The following PLA2G4D variants were observed in gnomAD, a reference collection of about 807,000 sequenced individuals.
The protein encoded by PLA2G4D is cytosolic phospholipase A2 delta.
PLA2G4D carries 80 observed loss-of-function variants against 94.4 expected under a neutral mutation model. The ratio of observed to expected loss-of-function variants is 0.85; its 90% CI spans 0.71 to 1.02. The LOEUF (loss-of-function observed/expected upper bound fraction) is 1.02, where lower values mean the gene tolerates loss of function less well. Ranked by LOEUF, PLA2G4D falls within the 50% of genes least tolerant of loss-of-function variation. The pLI is 0.00. For synonymous variants in PLA2G4D, 438 were observed against 440.9 expected, an observed-to-expected ratio of 0.99 and a Z score of 0.08; for missense variants, 1,050 against 1,034.7, an observed-to-expected ratio of 1.01 and a Z score of -0.20.
chr15:42,081,059 G>A lies in PLA2G4D; in HGVS notation c.1032C>T (p.Ala344=). The A allele has an allele frequency of 6.2e-7, 1 of 1,614,172 alleles. No homozygotes were observed. Among genetic ancestry groups the A allele is most frequent in the Middle Eastern group, 1.6e-4 (1 of 6,062 alleles). Residue 344 remains alanine, a synonymous_variant, in exon 12 of 20, where the codon GCC becomes GCT. Transcript: ENST00000290472. ...AMTSLYGHLL[A]LQKLGLLDCV... ...AGTCTAGGAGGCCCAGCTTCTGCAA[G>A]GCCAATAGGTGGCCGTAGAGTGAGG... is the stretch of plus-strand genomic sequence containing the variant.
In PLA2G4D at chr15:42,081,783, T is replaced by C. The variant is rs1222983568; in HGVS notation, c.821+14A>G. The stretch of plus-strand genomic sequence containing the variant: ...CCGCCTCTCACTGTCCCCACAGATG[T>C]GAATGTCCCTTACCAGCCCTCTGCC... On this transcript the variant is annotated intron_variant, in intron 10 of 19. Transcript: ENST00000290472. The C allele has an allele frequency of 2.5e-6, 4 of 1,614,150 alleles. No homozygotes were observed. The highest frequency in any genetic ancestry group is 2.2e-5 in the South Asian group (2 of 91,080).
chr15:42,089,209 G>A (rs189916795), intron 1 of PLA2G4D, among the ~76,000 whole-genome samples: 4 of 152,168 alleles, frequency 2.6e-5, no homozygotes, highest in East Asian at 1.9e-4. Flanking sequence ...GCGCTCTCCC[G>A]TGACCAGACC....
At chr15:42,080,440 G>T in intron 12 of PLA2G4D, among the ~76,000 whole-genome samples, 1 of 152,182 alleles carries the variant, frequency 6.6e-6, no homozygotes, top group African/African-American at 2.4e-5. Context: ...GGTAATGCTA[G>T]CTTTAGGTAG....
intron 1 of PLA2G4D, 44 bp from the exon 2 acceptor site, chr15:42,087,744 C>G (rs763530112): frequency 3.1e-6 from 5 of 1,593,876 alleles, no homozygotes; most frequent in Non-Finnish European, 4.3e-6. Context: ...GCATTCCCTC[C>G]CTTATGCCTG....
At chr15:42,069,596 T>A (rs979734452) in intron 19 of PLA2G4D, among the ~76,000 whole-genome samples, 3 of 150,350 alleles carry the variant, frequency 2.0e-5, no homozygotes, top group African/African-American at 7.4e-5. Context: ...GCCAAGTGAG[T>A]CCCCCACAGA....
chr15:42,093,584 A>G (rs937398245), intron 1 of PLA2G4D, among the ~76,000 whole-genome samples: 2 of 152,150 alleles, frequency 1.3e-5, no homozygotes, highest in African/African-American at 4.8e-5. Flanking sequence ...CTGGGGCAAC[A>G]GTGTGGTCCT....
Position 42,071,148 on chromosome 15 carries a change from G to T in PLA2G4D, c.1851C>A (p.Ser617Arg). 1 of 1,612,280 alleles carries T rather than the reference G, an allele frequency of 6.2e-7. No individual in the cohort carries two copies. Among genetic ancestry groups the T allele is most frequent in the Non-Finnish European group, 8.5e-7 (1 of 1,179,440 alleles). ...CTGCCCAGGTGGAGAAGTCTTTGTG[G>T]CTACAGTAGTCCTGGTGCAGCTGGA... ...QGLQLHQDYC[S>R]HKDFSTWADY... is the part of the protein sequence containing the mutation. Residue 617 changes from serine to arginine, a missense_variant, in exon 17 of 20, where the codon AGC becomes AGA. Coordinates refer to ENST00000290472, the MANE Select transcript of PLA2G4D (RefSeq NM_178034.4).
In PLA2G4D at chr15:42,087,701, C is replaced by G. The variant is rs747106741; in HGVS notation, c.46-1G>C. 4 of 1,614,088 alleles carry G rather than the reference C, an allele frequency of 2.5e-6. No homozygotes were observed. The highest frequency in any genetic ancestry group is 3.4e-6 in the Non-Finnish European group (4 of 1,179,972). ...GCTGCCAGCAGGTAGAGGCCTCCCC[C>G]TGAAGAGAAAATCAAACTCCAGAGT... On this transcript the variant is annotated splice_acceptor_variant, in intron 1 of 19. Coordinates refer to ENST00000290472, the MANE Select transcript of PLA2G4D (RefSeq NM_178034.4). LOFTEE classifies it high-confidence loss of function.
At position 42,068,462 on chromosome 15, in the gene PLA2G4D, G is replaced by A. The variant is rs987183992; in HGVS notation, c.*253C>T. The A allele has an allele frequency of 1.9e-5, 10 of 521,324 alleles. No individual in the cohort carries two copies. Among genetic ancestry groups the A allele is most frequent in the Non-Finnish European group, 3.1e-5 (9 of 289,374 alleles). 32.3% of individuals were successfully genotyped at this position (521,324 alleles called of 1,614,324 possible). A position where few individuals can be genotyped will look rare whatever the true frequency, so the allele number is the denominator to read the frequency against. On this transcript the variant is annotated 3_prime_UTR_variant, in exon 20 of 20. Coordinates refer to ENST00000290472, the MANE Select transcript of PLA2G4D (RefSeq NM_178034.4). ...TCAGGCATGGAAGTAATTGTGGTGT[G>A]AAAGTCTGTCTGGTTGGACCAGCTG...
At chr15:42,073,157 C>T (rs189383097) in intron 13 of PLA2G4D, among the ~76,000 whole-genome samples, 3 of 152,224 alleles carry the variant, frequency 2.0e-5, no homozygotes, top group Admixed American at 6.5e-5. Flanking sequence ...ACAAGTTACA[C>T]TTGGCTAATT....
Position 42,081,778 on chromosome 15 carries a change from A to G in PLA2G4D, c.821+19T>C. The G allele has an allele frequency of 6.2e-7, 1 of 1,614,106 alleles. No individual in the cohort carries two copies. Among genetic ancestry groups the G allele is most frequent in the South Asian group, 1.1e-5 (1 of 91,080 alleles). The stretch of plus-strand genomic sequence containing the variant: ...CATGCCCGCCTCTCACTGTCCCCAC[A>G]GATGTGAATGTCCCTTACCAGCCCT... On this transcript the variant is annotated intron_variant, in intron 10 of 19. Transcript: ENST00000290472.
rs1450508139 is a variant in PLA2G4D at position 42,087,429 on chromosome 15, C to T, written c.126G>A (p.Glu42=). ...RNLRWADLLS[E]ADPYVILQLS... The stretch of plus-strand genomic sequence containing the variant: ...GCTGTAGGATCACGTAAGGGTCGGC[C>T]TCACTCACTGCCAAGGTTAAGGAAG... The change falls in exon 3 of 20, where the codon GAG becomes GAA. Residue 42 remains glutamate, a synonymous_variant. Transcript: ENST00000290472. The T allele has an allele frequency of 2.5e-6, 4 of 1,613,958 alleles. No individual in the cohort carries two copies. The highest frequency in any genetic ancestry group is 3.4e-6 in the Non-Finnish European group (4 of 1,180,006).
chr15:42,070,376 T>C (rs1440251112), intron 18 of PLA2G4D: 1 of 513,222 alleles, frequency 1.9e-6, no homozygotes. Context: ...ACTGTTCAAA[T>C]CCCAGAGCCG....
At chr15:42,090,502 A>G (rs1401838949) in intron 1 of PLA2G4D, among the ~76,000 whole-genome samples, 1 of 152,204 alleles carries the variant, frequency 6.6e-6, no homozygotes, top group Non-Finnish European at 1.5e-5. Context: ...CCTTCATGCC[A>G]AAGTCCCTCT....
At chr15:42,087,809 G>A (rs1189373486) in intron 1 of PLA2G4D, 109 bp from the exon 2 acceptor site, 6 of 1,166,228 alleles carry the variant, frequency 5.1e-6, no homozygotes, top group Non-Finnish European at 7.3e-6. Context: ...ACTTGGTGGT[G>A]CTGACACCCC....
In PLA2G4D at chr15:42,083,752, G is replaced by C. The variant is rs759346619; in HGVS notation, c.499C>G (p.His167Asp). Residue 167 changes from histidine to aspartate, a missense_variant, in exon 7 of 20, where the codon CAT becomes GAT. Coordinates refer to ENST00000290472, the MANE Select transcript of PLA2G4D (RefSeq NM_178034.4). ...GCGGTGCTCCCTGTGCTGTCCAGATGCACATCCAGGCATGACAGCTCTCGG... is the reference window on the plus strand; with the variant it reads ...GCGGTGCTCCCTGTGCTGTCCAGATCCACATCCAGGCATGACAGCTCTCGG... ...VARELSCLDV[H>D]LDSTGSTAVV... 1 of 1,613,942 alleles carries C rather than the reference G, an allele frequency of 6.2e-7. No homozygotes were observed. Among genetic ancestry groups the C allele is most frequent in the Non-Finnish European group, 8.5e-7 (1 of 1,179,990 alleles).
intron 8 of PLA2G4D, 151 bp downstream of exon 8, chr15:42,083,047 G>T: frequency 9.6e-7 from 1 of 1,041,230 alleles, no homozygotes; most frequent in Non-Finnish European, 1.4e-6. Flanking sequence ...GTGGTCCTCT[G>T]TGTCTGCCAA....
At chr15:42,073,456 C>T (rs1396009428) in intron 13 of PLA2G4D, among the ~76,000 whole-genome samples, 1 of 152,202 alleles carries the variant, frequency 6.6e-6, no homozygotes, top group African/African-American at 2.4e-5. Flanking sequence ...GTGGTGCCTG[C>T]CTGGAGCACC....
At chr15:42,090,194 G>A (rs376713452) in intron 1 of PLA2G4D, among the ~76,000 whole-genome samples, 12,328 of 152,214 alleles carry the variant, frequency 0.081, 583 homozygotes, top group Middle Eastern at 0.14. Context: ...ATGTGTAGTG[G>A]AAATAATAGT....
Sources: gnomAD v4.1 joint callset for allele counts (sites outside exome capture counted in the v4.1 genomes callset) on GRCh38, gnomAD v4.1.1 for gene constraint, MANE v1.5 for transcripts, NCBI Gene and HGNC (gene_info 2026-07-23, HGNC 2026-07-21) for gene names.